SMG9: variants seen among roughly 807,000 people sequenced by gnomAD.
SMG9 encodes the protein SMG9 nonsense mediated mRNA decay factor, also known as nonsense-mediated mRNA decay factor SMG9.
SMG9 carries 55 observed loss-of-function variants against 64.0 expected under a neutral mutation model. That is an observed-to-expected ratio of 0.86 (90% confidence interval 0.69 to 1.08). SMG9 has a LOEUF of 1.08. Among genes scored for constraint, SMG9 ranks in the 50% least tolerant of loss-of-function variants. The pLI, the probability that SMG9 is intolerant of heterozygous loss-of-function variation, is 0.00. For missense variants in SMG9, 554 were observed against 681.3 expected (o/e 0.81, Z 2.08); for synonymous variants, 244 against 254.8 (o/e 0.96, Z 0.41).
chr19:43,747,745 G>T lies in SMG9; in HGVS notation c.378C>A (p.Pro126=). Residue 126 remains proline, a synonymous_variant, in exon 4 of 14, where the codon CCC becomes CCA. Transcript: ENST00000270066. ...CCTTGGGTGGCGCAGGGGCTGCAGGGGGTGGTGGGGCGGTGCCCTCAGGGG... is the reference window on the plus strand; with the variant it reads ...CCTTGGGTGGCGCAGGGGCTGCAGGTGGTGGTGGGGCGGTGCCCTCAGGGG... ...ASTPEGTAPP[P]PAAPAPPKGE... The T allele has an allele frequency of 1.9e-6, 3 of 1,610,828 alleles. No individual in the cohort carries two copies. The highest frequency in any genetic ancestry group is 1.7e-6 in the Non-Finnish European group (2 of 1,178,856).
chr19:43,734,431 A>C lies in SMG9; in HGVS notation c.1060T>G (p.Ser354Ala). 6.4e-7 allele frequency: 1 copy of C among 1,562,678 alleles called. No individual in the cohort carries two copies. The highest frequency in any genetic ancestry group is 1.2e-5 in the South Asian group (1 of 84,834). Residue 354 changes from serine to alanine, a missense_variant, in exon 10 of 14, where the codon TCA becomes GCA. Transcript: ENST00000270066. Reference protein sequence around the residue: ...TPSPSHESSSSSGSDEGTEYY... With the variant: ...TPSPSHESSSASGSDEGTEYY... Reference sequence around the variant, plus strand: ...TCGGTGCCTTCATCGGAGCCCGATGAGCTGCTGGACTCGTGGCTGGGGGAT... The same window carrying C: ...TCGGTGCCTTCATCGGAGCCCGATGCGCTGCTGGACTCGTGGCTGGGGGAT...
chr19:43,744,682 G>A (rs1329986629), intron 6 of SMG9, 90 bp downstream of exon 6: 12 of 869,128 alleles, frequency 1.4e-5, no homozygotes, highest in Non-Finnish European at 2.0e-5. Flanking sequence ...AAGTCCTTTG[G>A]TAACACCACT....
intron 7 of SMG9, among the ~76,000 whole-genome samples, chr19:43,738,963 C>T (rs1424025826): frequency 6.6e-6 from 1 of 152,228 alleles, no homozygotes; most frequent in Admixed American, 6.5e-5. Context: ...GTCATCAATG[C>T]CACAGTGACC....
At chr19:43,747,273 C>T (rs346535) in intron 5 of SMG9, among the ~76,000 whole-genome samples, 169 bp downstream of exon 5, 51,191 of 152,006 alleles carry the variant, frequency 0.34, 10,303 homozygotes, top group African/African-American at 0.57. Flanking sequence ...CAAGCACAGC[C>T]GAGCTAGTTG....
chr19:43,733,206 C>T, intron 12 of SMG9, 118 bp downstream of exon 12: 1 of 1,437,304 alleles, frequency 7.0e-7, no homozygotes, highest in South Asian at 1.3e-5. Context: ...ACCAGGTAGG[C>T]TCCACACTGC....
chr19:43,752,419 A>C (rs1969217947), intron 1 of SMG9, among the ~76,000 whole-genome samples: 1 of 152,242 alleles, frequency 6.6e-6, no homozygotes, highest in Non-Finnish European at 1.5e-5. Context: ...AGGTTGACAA[A>C]GTGTGGCCTA....
At chr19:43,734,801 C>T (rs899605847) in intron 9 of SMG9, 51 of 249,726 alleles carry the variant, frequency 2.0e-4, no homozygotes, top group Non-Finnish European at 2.9e-4. Flanking sequence ...CCCACACAAC[C>T]CCTGCACATG....
rs982157499 is a variant in SMG9 at position 43,732,986 on chromosome 19, T to C, written c.1356A>G (p.Pro452=). The part of the protein sequence containing the change: ...NPPRAGPGSS[P]LFSLLPGYRG... The stretch of plus-strand genomic sequence containing the variant: ...GATACCCAGGCAGCAGGGAGAAGAG[T>C]GGGCTGGAACCAGGTCCTGGAAAGT... Residue 452 remains proline (P), a synonymous_variant, in exon 13 of 14, where the codon CCA becomes CCG. Transcript: ENST00000270066. 3 of 1,611,048 alleles carry C rather than the reference T, an allele frequency of 1.9e-6. No individual in the cohort carries two copies. Among genetic ancestry groups the C allele is most frequent in the Non-Finnish European group, 2.5e-6 (3 of 1,178,744 alleles).
At chr19:43,749,430 G>C (rs1243080794) in intron 2 of SMG9, among the ~76,000 whole-genome samples, 1 of 152,200 alleles carries the variant, frequency 6.6e-6, no homozygotes, top group East Asian at 1.9e-4. Context: ...TAGAGACAAA[G>C]ATGAGGTTTA....
intron 9 of SMG9, chr19:43,734,808 C>A: frequency 4.2e-6 from 1 of 237,402 alleles, no homozygotes; most frequent in South Asian, 1.1e-4. Flanking sequence ...AACCCCTGCA[C>A]ATGCACAGCC....
rs1968734212 is a variant in SMG9, at chr19:43,738,160, G to C, written c.871C>G (p.Pro291Ala). 1 of 1,614,096 alleles carries C rather than the reference G, an allele frequency of 6.2e-7. No homozygotes were observed. Among genetic ancestry groups the C allele is most frequent in the Non-Finnish European group, 8.5e-7 (1 of 1,180,006 alleles). ...HLINNDRKLP[P>A]EYNLPHTYVE... is the part of the protein sequence containing the mutation. ...TAAGTGTGGGGAAGGTTGTACTCTG[G>C]AGGCAGTTTGCGGTCATTATTGATG... Residue 291 changes from proline (P) to alanine (A), a missense_variant, in exon 8 of 14, where the codon CCA becomes GCA. Transcript: ENST00000270066.
chr19:43,750,702 T>C lies in SMG9; in HGVS notation c.40A>G (p.Ile14Val). 1.9e-6 allele frequency: 3 copies of C among 1,613,932 alleles called. No individual in the cohort carries two copies. The highest frequency in any genetic ancestry group is 2.5e-6 in the Non-Finnish European group (3 of 1,179,946). The change falls in exon 2 of 14, where the codon ATA (isoleucine) becomes GTA (valine). Residue 14 changes from isoleucine (I) to valine (V), a missense_variant. Physicochemically the swap from Ile to Val is conservative, Grantham distance 29 (BLOSUM62 3). Transcript: ENST00000270066. The part of the protein sequence containing the change: ...SGHSQPGLYG[I>V]ERRRRWKEPG... Reference sequence around the variant, plus strand: ...TCCTTCCACCGTCGCCGCCGCTCTATCCCATAGAGTCCAGGCTGACTGTGT... The same window carrying C: ...TCCTTCCACCGTCGCCGCCGCTCTACCCCATAGAGTCCAGGCTGACTGTGT...
Position 43,740,168 on chromosome 19 carries a change from T to C in SMG9, c.752A>G (p.Asn251Ser), listed in dbSNP as rs371660173. 18 of 1,614,030 alleles carry C rather than the reference T, an allele frequency of 1.1e-5. No homozygotes were observed. Among genetic ancestry groups the C allele is most frequent in the African/African-American group, 2.7e-5 (2 of 74,918 alleles). Residue 251 changes from asparagine (N) to serine (S), a missense_variant, in exon 7 of 14, where the codon AAC becomes AGC. Transcript: ENST00000270066. The stretch of plus-strand genomic sequence containing the variant: ...AAAGAAGTCGATGCCACTGGTCTGG[T>C]TGCCCCCTCGTTCCTTCATTTCAGC... ...QSAEMKERGGNQTSGIDFFIT... is the reference protein window; with the variant it reads ...QSAEMKERGGSQTSGIDFFIT...
At chr19:43,732,820 G>C in intron 13 of SMG9, 38 bp downstream of exon 13, 1 of 1,612,716 alleles carries the variant, frequency 6.2e-7, no homozygotes, top group Non-Finnish European at 8.5e-7. Context: ...ACCAGGGTGG[G>C]GTGCCTCAAA....
intron 8 of SMG9, 24 bp downstream of exon 8, chr19:43,738,098 C>G: frequency 6.2e-7 from 1 of 1,608,136 alleles, no homozygotes; most frequent in Non-Finnish European, 8.5e-7. Context: ...AACCTCAGTC[C>G]TGGGCCTGGC....
At chr19:43,751,777 T>C (rs553841008) in intron 1 of SMG9, among the ~76,000 whole-genome samples, 61 of 152,286 alleles carry the variant, frequency 4.0e-4, no homozygotes, top group Middle Eastern at 3.4e-3. Context: ...GGCAATTTAA[T>C]GGAAGGTACA....
intron 10 of SMG9, 39 bp from the exon 11 acceptor site, chr19:43,733,772 C>T (rs1968564927): frequency 1.3e-6 from 2 of 1,539,302 alleles, no homozygotes; most frequent in Non-Finnish European, 1.8e-6. Context: ...AGGCAGACAT[C>T]GCTTGGCTTC....
intron 7 of SMG9, among the ~76,000 whole-genome samples, chr19:43,738,624 A>G (rs926578008): frequency 3.0e-4 from 45 of 152,186 alleles, no homozygotes; most frequent in African/African-American, 1.1e-3. Context: ...ATCAGTATGT[A>G]TAAGAATCAG....
In SMG9 at chr19:43,733,527, C is replaced by A. The variant is rs1158300914; in HGVS notation, c.1211-75G>T. On this transcript the variant is annotated intron_variant, in intron 11 of 13. Coordinates refer to ENST00000270066, the MANE Select transcript of SMG9 (RefSeq NM_019108.4). ...GAGTGGGAATTGTTGACAGTCAAAG[C>A]AGGATCAGGAGACTAGTCTGGGGGT... 4 of 1,609,272 alleles carry A rather than the reference C, an allele frequency of 2.5e-6. No homozygotes were observed. In the African/African-American group the frequency reaches 5.3e-5, roughly 22 times the overall value.
Sources: allele counts gnomAD v4.1 joint callset (sites outside exome capture counted in the v4.1 genomes callset), GRCh38; gene constraint gnomAD v4.1.1; transcripts MANE v1.5; gene names NCBI Gene and HGNC (gene_info 2026-07-23, HGNC 2026-07-21).